Variants in KCNC3 observed in about 807,000 individuals in gnomAD.
KCNC3 encodes potassium voltage-gated channel subfamily C member 3.
A neutral mutation model predicts 43.9 loss-of-function variants in KCNC3; 22 were observed. The observed-to-expected ratio is 0.50, with a 90% CI of 0.36 to 0.72. The LOEUF (loss-of-function observed/expected upper bound fraction) is 0.72, where lower values mean the gene tolerates loss of function less well. KCNC3 is among the 30% of genes least tolerant of loss of function. KCNC3 has a pLI of 0.00. For missense variants in KCNC3, 829 were observed against 1,073.8 expected (o/e 0.77, Z 3.19); for synonymous variants, 492 against 488.0 (o/e 1.01, Z -0.11).
chr19:50,318,891 A>G (rs1374614377), intron 4 of KCNC3, among the ~76,000 whole-genome samples: 1 of 151,438 alleles, frequency 6.6e-6, no homozygotes, highest in Non-Finnish European at 1.5e-5. Flanking sequence ...AACCTGGCCA[A>G]CATAGCGAGA....
In KCNC3 at chr19:50,323,502, T is replaced by C. The variant is rs1232235287; in HGVS notation, c.1451A>G (p.His484Arg). ...AATGGGGATGTTCTTGAAGTAGGTG[T>C]GGTTGGAGCCCAGGATGTCATCGGG... Reference protein sequence around the residue: ...ADPDDILGSNHTYFKNIPIGF... With the variant: ...ADPDDILGSNRTYFKNIPIGF... Residue 484 changes from histidine to arginine, a missense_variant, in exon 2 of 5, where the codon CAC becomes CGC. This residue lies in a region of KCNC3 where 21 missense variants were observed against 21.0 expected (regional missense o/e 1.00). Coordinates refer to ENST00000477616, the MANE Select transcript of KCNC3 (RefSeq NM_004977.3). 3.1e-6 allele frequency: 5 copies of C among 1,614,090 alleles called. No homozygotes were observed. Among genetic ancestry groups the C allele is most frequent in the Non-Finnish European group, 4.2e-6 (5 of 1,180,016 alleles).
chr19:50,323,190 T>C lies in KCNC3; in HGVS notation c.1763A>G (p.His588Arg), dbSNP rs1461309093. 3 of 1,353,722 alleles carry C rather than the reference T, an allele frequency of 2.2e-6. No homozygotes were observed. The highest frequency in any genetic ancestry group is 3.1e-6 in the Non-Finnish European group (3 of 981,494). The allele number at this position is 1,353,722 out of a possible 1,614,324, so 83.9% of individuals were successfully genotyped here. The change falls in exon 2 of 5, where the codon CAC becomes CGC. Residue 588 changes from histidine to arginine, a missense_variant. Physicochemically the swap from His to Arg is conservative, Grantham distance 29 (BLOSUM62 0). Around this residue, in one of 7 missense-constraint regions of KCNC3, gnomAD observed 308 missense variants for 276.2 expected, o/e 1.11. Transcript: ENST00000477616. ...CGGGCTGATGCCCCCGCTGCCGTGG[T>C]GCGGGTGGGGCGGGGGTGGCGGGGG... is the stretch of plus-strand genomic sequence containing the variant. ...DPPPPPPPHP[H>R]HGSGGISPPP... is the part of the protein sequence containing the mutation.
At chr19:50,329,851 G>C (rs963990419), upstream of KCNC3, 1 of 152,508 alleles carries the variant, frequency 6.6e-6, no homozygotes, top group Admixed American at 6.5e-5. Flanking sequence ...GTCTGGATAG[G>C]CCTAAGGGAG....
In KCNC3 at chr19:50,314,755, AT is replaced by A. The variant is rs760460194; in HGVS notation, c.*1359del. The A allele has an allele frequency of 1.4e-5, 6 of 435,272 alleles. No homozygotes were observed. Among genetic ancestry groups the A allele is most frequent in the East Asian group, 8.6e-5 (1 of 11,568 alleles). 27.0% of individuals were successfully genotyped at this position (435,272 alleles called of 1,614,324 possible). A position where few individuals can be genotyped will look rare whatever the true frequency, so the allele number is the denominator to read the frequency against. ...GTTGCATATTATTAATGACTTTTTG[AT>A]TTTTTTTAAAAAAACCCTTTTCCCC... On this transcript the variant is annotated 3_prime_UTR_variant, in exon 5 of 5. Transcript: ENST00000477616.
In KCNC3 at chr19:50,319,081, T is replaced by A. The variant is rs147323669; in HGVS notation, c.*23+1142A>T. Among the ~76,000 whole-genome samples, 692 of 151,904 alleles carry A rather than the reference T, an allele frequency of 4.6e-3. 6 individuals carry two copies. The highest frequency in any genetic ancestry group is 0.016 in the African/African-American group (662 of 41,402). ...GAATGAAAGGAGCTAGGAGTTGGCTTGGATTGTTACAAGGATTAAAGAATA... is the reference window on the plus strand; with the variant it reads ...GAATGAAAGGAGCTAGGAGTTGGCTAGGATTGTTACAAGGATTAAAGAATA... On this transcript the variant is annotated intron_variant, in intron 4 of 4. Transcript: ENST00000477616.
At chr19:50,333,343 C>T (rs915578862), upstream of KCNC3, 2 of 153,290 alleles carry the variant, frequency 1.3e-5, no homozygotes, top group African/African-American at 2.4e-5. Flanking sequence ...AACCCAGGGG[C>T]TTCAAGCTCC....
At position 50,312,782 on chromosome 19, in the gene KCNC3, G is replaced by C. The variant is rs1254007754; in HGVS notation, c.*3333C>G. The C allele has an allele frequency of 2.0e-5, 3 of 152,116 alleles. No individual in the cohort carries two copies. Among genetic ancestry groups the C allele is most frequent in the Admixed American group, 1.3e-4 (2 of 15,268 alleles). 9.4% of individuals were successfully genotyped at this position (152,116 alleles called of 1,614,324 possible). A position where few individuals can be genotyped will look rare whatever the true frequency, so the allele number is the denominator to read the frequency against. Reference sequence around the variant, plus strand: ...GCTTTCGTGAAGGTCAGGGGAAACGGGGGGGCTTGTTAAAGAAGTTGAACC... The same window carrying C: ...GCTTTCGTGAAGGTCAGGGGAAACGCGGGGGCTTGTTAAAGAAGTTGAACC... On this transcript the variant is annotated 3_prime_UTR_variant, in exon 5 of 5. Coordinates refer to ENST00000477616, the MANE Select transcript of KCNC3 (RefSeq NM_004977.3).
intron 2 of KCNC3, among the ~76,000 whole-genome samples, chr19:50,321,243 G>A (rs112474958): frequency 3.3e-5 from 5 of 151,838 alleles, no homozygotes; most frequent in African/African-American, 1.2e-4. Context: ...TGAGGTGGGA[G>A]AATTGCTTGA....
In KCNC3 at chr19:50,314,116, G is replaced by T. The variant is rs1023577793; in HGVS notation, c.*1999C>A. On this transcript the variant is annotated 3_prime_UTR_variant, in exon 5 of 5. Transcript: ENST00000477616. ...AATAGAGGCGAGCAGGTCCCTGGGG[G>T]AAGGGGCGGATGAGAGGGTGAAATT... is the stretch of plus-strand genomic sequence containing the variant. 6 of 152,298 alleles carry T rather than the reference G, an allele frequency of 3.9e-5. No homozygotes were observed. Among genetic ancestry groups the T allele is most frequent in the Admixed American group, 2.6e-4 (4 of 15,272 alleles). 9.4% of individuals were successfully genotyped at this position (152,298 alleles called of 1,614,324 possible).
intron 2 of KCNC3, among the ~76,000 whole-genome samples, chr19:50,321,913 G>A (rs1356383829): frequency 6.6e-6 from 1 of 152,062 alleles, no homozygotes; most frequent in Non-Finnish European, 1.5e-5. Context: ...TGGAGGCATG[G>A]CTGGAGAGGA....
intron 2 of KCNC3, among the ~76,000 whole-genome samples, chr19:50,321,740 G>A (rs1430503781): frequency 2.0e-5 from 3 of 151,896 alleles, no homozygotes; most frequent in Non-Finnish European, 2.9e-5. Context: ...ACTGCACTCC[G>A]GCCTGGGAGA....
At position 50,324,196 on chromosome 19, in the gene KCNC3, T is replaced by A. The variant is rs2037074519; in HGVS notation, c.871-114A>T. ...TCCCCAGCCTCCTGGGCCCAAACTC[T>A]GGGCAAAATCCAGGTGTCTCAGCCC... On this transcript the variant is annotated intron_variant, in intron 1 of 4. Transcript: ENST00000477616. The surrounding 1 kb of genome is among the most constrained non-coding windows in gnomAD (Gnocchi z 4.1). 2.8e-6 allele frequency: 3 copies of A among 1,064,090 alleles called. No homozygotes were observed. In the African/African-American group the frequency reaches 4.8e-5, roughly 17 times the overall value. 65.9% of individuals were successfully genotyped at this position (1,064,090 alleles called of 1,614,324 possible).
intron 2 of KCNC3, among the ~76,000 whole-genome samples, chr19:50,321,277 T>A (rs1330597631): frequency 2.0e-5 from 3 of 151,848 alleles, no homozygotes; most frequent in Non-Finnish European, 4.4e-5. Flanking sequence ...AGACCAGCCC[T>A]GGCAACATAG....
intron 3 of KCNC3, 106 bp downstream of exon 3, chr19:50,320,480 AGGGAAGG>A: frequency 9.9e-7 from 1 of 1,014,832 alleles, no homozygotes; most frequent in Non-Finnish European, 1.5e-6. Context: ...TTTGGGGCCA[AGGGAAGG>A]GGGAAGGGAA....
At chr19:50,325,713 G>A (rs1336149102) in intron 1 of KCNC3, among the ~76,000 whole-genome samples, 1 of 151,980 alleles carries the variant, frequency 6.6e-6, no homozygotes, top group Non-Finnish European at 1.5e-5. Context: ...CCGCAGTGGG[G>A]GCGGGCCAGC....
chr19:50,317,600 G>A (rs1292800170), intron 4 of KCNC3, among the ~76,000 whole-genome samples: 1 of 151,920 alleles, frequency 6.6e-6, no homozygotes, highest in Non-Finnish European at 1.5e-5. Context: ...TTTCTCCCTG[G>A]ACTCCAGCAG....
At chr19:50,332,773 T>C (rs2037202096), upstream of KCNC3, among the ~76,000 whole-genome samples, 1 of 152,054 alleles carries the variant, frequency 6.6e-6, no homozygotes, top group Admixed American at 6.5e-5. The surrounding 1 kb of genome is among the most constrained non-coding windows in gnomAD (Gnocchi z 5.8). Context: ...AATCCATCCG[T>C]TCCCAGGCCC....
rs1444919630 is a variant in KCNC3, at chr19:50,313,980, G to T, written c.*2135C>A. 2 of 152,130 alleles carry T rather than the reference G, an allele frequency of 1.3e-5. No homozygotes were observed. Among genetic ancestry groups the T allele is most frequent in the East Asian group, 3.9e-4 (2 of 5,182 alleles). 9.4% of individuals were successfully genotyped at this position (152,130 alleles called of 1,614,324 possible). A position where few individuals can be genotyped will look rare whatever the true frequency, so the allele number is the denominator to read the frequency against. On this transcript the variant is annotated 3_prime_UTR_variant, in exon 5 of 5. Transcript: ENST00000477616. ...TGCCAGGGTCAGTCTCAGAATTCTGGGTGCAGGTCTCATGTCCTGGGAATG... is the reference window on the plus strand; with the variant it reads ...TGCCAGGGTCAGTCTCAGAATTCTGTGTGCAGGTCTCATGTCCTGGGAATG...
At chr19:50,327,299 T>C (rs1254650097) in intron 1 of KCNC3, among the ~76,000 whole-genome samples, 1 of 151,842 alleles carries the variant, frequency 6.6e-6, no homozygotes, top group Non-Finnish European at 1.5e-5. Context: ...TGTGAAAGGC[T>C]TGGGGGAAGT....
Sources: gnomAD v4.1 joint callset for allele counts (sites outside exome capture counted in the v4.1 genomes callset) on GRCh38, gnomAD v4.1.1 for gene constraint, gnomAD v4.1.1 regional missense constraint, Gnocchi (gnomAD v3.1) non-coding constraint, MANE v1.5 for transcripts, NCBI Gene and HGNC (gene_info 2026-07-23, HGNC 2026-07-21) for gene names.